FNIP1: variants seen among roughly 807,000 people sequenced by gnomAD.
The protein encoded by FNIP1 is folliculin interacting protein 1.
Under a neutral mutation model 124.5 loss-of-function variants are expected in FNIP1, and 40 were observed. That is an observed-to-expected ratio of 0.32 (90% CI 0.25 to 0.42). The LOEUF is 0.42. FNIP1 is among the 10% of genes least tolerant of loss of function. The pLI is 1.00. For missense variants in FNIP1, 1,176 were observed against 1,403.7 expected (o/e 0.84, Z 2.59); for synonymous variants, 472 against 470.6 (o/e 1.00, Z -0.04).
intron 11 of FNIP1, among the ~76,000 whole-genome samples, chr5:131,683,633 A>G (rs6894254): frequency 0.099 from 14,974 of 151,530 alleles, 1,715 homozygotes; most frequent in African/African-American, 0.28. Context: ...TAATTGTTAT[A>G]CCGCATTGGT....
At chr5:131,754,600 G>A (rs1342233709) in intron 1 of FNIP1, among the ~76,000 whole-genome samples, 1 of 152,180 alleles carries the variant, frequency 6.6e-6, no homozygotes, top group African/African-American at 2.4e-5. Context: ...TCTGGAAGAA[G>A]AAAACAGCAT....
intron 1 of FNIP1, among the ~76,000 whole-genome samples, chr5:131,763,992 C>T (rs1171935548): frequency 6.6e-6 from 1 of 152,116 alleles, no homozygotes; most frequent in Non-Finnish European, 1.5e-5. Flanking sequence ...ATGAGTTTCT[C>T]ATGAATGGTT....
intron 1 of FNIP1, among the ~76,000 whole-genome samples, chr5:131,767,419 T>C (rs1210304440): frequency 9.5e-6 from 1 of 105,272 alleles, no homozygotes; most frequent in Non-Finnish European, 1.8e-5. Context: ...CAGAGTGAGA[T>C]TCTGTCTCAA....
intron 1 of FNIP1, among the ~76,000 whole-genome samples, chr5:131,783,814 A>G (rs1331137365): frequency 6.6e-6 from 1 of 152,076 alleles, no homozygotes; most frequent in Non-Finnish European, 1.5e-5. Flanking sequence ...CTCAATCTAG[A>G]ATTGTGTACT....
rs1767768982 is a variant in FNIP1 at position 131,672,006 on chromosome 5, A to G, written c.2438T>C (p.Met813Thr). ...DQSGESDTQN[M>T]VSEEPCELPC... is the part of the protein sequence containing the mutation. ...AAGTTCACAGGGCTCTTCAGAAACC[A>G]TGTTCTGTGTATCAGACTCTCCAGA... The change falls in exon 14 of 18, where the codon ATG becomes ACG. Residue 813 changes from methionine to threonine, a missense_variant. By Grantham distance (81) the Met-to-Thr change is moderately conservative (BLOSUM62 -1). Coordinates refer to ENST00000510461, the MANE Select transcript of FNIP1 (RefSeq NM_133372.3). 6.2e-7 allele frequency: 1 copy of G among 1,614,204 alleles called. No homozygotes were observed. The highest frequency in any genetic ancestry group is 8.5e-7 in the Non-Finnish European group (1 of 1,180,028).
At chr5:131,776,662 A>G (rs572504121) in intron 1 of FNIP1, among the ~76,000 whole-genome samples, 1 of 152,226 alleles carries the variant, frequency 6.6e-6, no homozygotes, top group African/African-American at 2.4e-5. Flanking sequence ...CTTCCACATC[A>G]CATATACTAA....
chr5:131,645,460 T>C (rs987596018), intron 17 of FNIP1, among the ~76,000 whole-genome samples: 4 of 152,102 alleles, frequency 2.6e-5, no homozygotes, highest in Non-Finnish European at 5.9e-5. Flanking sequence ...CCAACCAACA[T>C]AGAAAATATT....
In FNIP1 at chr5:131,670,589, G is replaced by C; in HGVS notation, c.2982C>G (p.Ala994=). ...IEVSAVQPNI[A]NFGRSLLGGY... is the part of the protein sequence containing the mutation. The stretch of plus-strand genomic sequence containing the variant: ...CACCCAGCAAGGACCTCCCGAAGTT[G>C]GCAATGTTGGGCTGAACAGCACTCA... Residue 994 remains alanine (A), a synonymous_variant, in exon 15 of 18, where the codon GCC becomes GCG. Transcript: ENST00000510461. The C allele has an allele frequency of 6.2e-7, 1 of 1,613,316 alleles. No individual in the cohort carries two copies. The highest frequency in any genetic ancestry group is 8.5e-7 in the Non-Finnish European group (1 of 1,179,788).
intron 1 of FNIP1, among the ~76,000 whole-genome samples, chr5:131,757,462 A>G (rs1343477209): frequency 6.6e-6 from 1 of 152,184 alleles, no homozygotes; most frequent in African/African-American, 2.4e-5. Context: ...AATAGAGGAA[A>G]GTGTGGTACA....
chr5:131,768,794 G>A lies in FNIP1; in HGVS notation c.93-24104C>T, dbSNP rs373925633. On this transcript the variant is annotated intron_variant, in intron 1 of 17. Coordinates refer to ENST00000510461, the MANE Select transcript of FNIP1 (RefSeq NM_133372.3). ...AGCGTGGGCGAGAGAGCAAGACTTC[G>A]TCTCAAAAACTAATAATAAAATAAA... 5.5e-4 allele frequency among the ~76,000 whole-genome samples: 83 copies of A among 152,170 alleles called. No homozygotes were observed. The East Asian group carries it at 0.014, about 26-fold the overall frequency.
At chr5:131,761,095 T>A (rs956546049) in intron 1 of FNIP1, among the ~76,000 whole-genome samples, 1 of 152,220 alleles carries the variant, frequency 6.6e-6, no homozygotes, top group African/African-American at 2.4e-5. Context: ...AACCTCTGAA[T>A]AGATTTTACT....
chr5:131,715,982 C>T (rs1769455246), intron 6 of FNIP1, among the ~76,000 whole-genome samples: 1 of 152,184 alleles, frequency 6.6e-6, no homozygotes, highest in Admixed American at 6.5e-5. Context: ...AGCAGCAGTT[C>T]AGTTGAGCTG....
chr5:131,780,192 C>G (rs968092814), intron 1 of FNIP1, among the ~76,000 whole-genome samples: 1 of 152,064 alleles, frequency 6.6e-6, no homozygotes, highest in African/African-American at 2.4e-5. Context: ...AGGAAAATAT[C>G]AAATGTAGAG....
intron 2 of FNIP1, among the ~76,000 whole-genome samples, chr5:131,742,951 T>C (rs1770559265): frequency 6.6e-6 from 1 of 152,200 alleles, no homozygotes; most frequent in Non-Finnish European, 1.5e-5. Context: ...ACTTACCACA[T>C]GTAAGGCAAT....
chr5:131,794,715 T>C (rs1772520514), intron 1 of FNIP1, among the ~76,000 whole-genome samples: 1 of 152,212 alleles, frequency 6.6e-6, no homozygotes. Context: ...AGAGGATCCC[T>C]TGAGCCCAGG....
At chr5:131,759,516 C>G (rs1284396332) in intron 1 of FNIP1, among the ~76,000 whole-genome samples, 1 of 152,130 alleles carries the variant, frequency 6.6e-6, no homozygotes, top group African/African-American at 2.4e-5. Context: ...CACTAATCAT[C>G]AGATAGAGAC....
intron 15 of FNIP1, among the ~76,000 whole-genome samples, chr5:131,657,121 A>G (rs1290294736): frequency 6.9e-6 from 1 of 145,608 alleles, no homozygotes; most frequent in Non-Finnish European, 1.5e-5. Context: ...CTCCTGACTC[A>G]GACTCTCAAG....
intron 1 of FNIP1, among the ~76,000 whole-genome samples, chr5:131,779,286 A>T (rs10042334): frequency 0.64 from 97,169 of 151,960 alleles, 32,993 homozygotes; most frequent in Non-Finnish European, 0.77. Flanking sequence ...ATCAAGGAAA[A>T]CTGAACATGG....
chr5:131,733,648 T>G (rs1387059664), intron 2 of FNIP1, among the ~76,000 whole-genome samples: 1 of 152,236 alleles, frequency 6.6e-6, no homozygotes, highest in African/African-American at 2.4e-5. Context: ...TTTGCGTATG[T>G]TAAACCAGCC....
Sources: allele counts gnomAD v4.1 joint callset (sites outside exome capture counted in the v4.1 genomes callset), GRCh38; gene constraint gnomAD v4.1.1; transcripts MANE v1.5; gene names NCBI Gene and HGNC (gene_info 2026-07-23, HGNC 2026-07-21).